NALCN: variants seen among roughly 807,000 people sequenced by gnomAD.
The protein encoded by NALCN is sodium leak channel NALCN.
In NALCN, 111 loss-of-function variants were observed where a neutral mutation model predicts 225.3. That is an observed-to-expected ratio of 0.49 (90% CI 0.42 to 0.58). The LOEUF is 0.58. NALCN is among the 20% of genes least tolerant of loss of function. The probability of loss-of-function intolerance (pLI) is 0.00; values close to 1 mark genes in which losing one functional copy is unlikely to be tolerated. For missense variants in NALCN, 1,378 were observed against 2,202.4 expected, an observed-to-expected ratio of 0.63 and a Z score of 7.49; for synonymous variants, 764 against 769.0, an observed-to-expected ratio of 0.99 and a Z score of 0.11.
intron 6 of NALCN, among the ~76,000 whole-genome samples, chr13:101,368,275 T>C (rs200431072): frequency 1.3e-5 from 2 of 151,540 alleles, no homozygotes; most frequent in East Asian, 3.9e-4. Flanking sequence ...GTTCTTGCGA[T>C]AGTTTACTGA....
intron 15 of NALCN, among the ~76,000 whole-genome samples, chr13:101,161,248 C>T (rs1336478074): frequency 6.6e-6 from 1 of 152,190 alleles, no homozygotes; most frequent in Non-Finnish European, 1.5e-5. Context: ...ATCCTTCTCC[C>T]CTGAACTCCA....
chr13:101,271,954 G>C (rs111172510), intron 10 of NALCN, among the ~76,000 whole-genome samples: 8,747 of 151,720 alleles, frequency 0.058, 833 homozygotes, highest in African/African-American at 0.19. Flanking sequence ...GTGTGCATGA[G>C]CATGTGCGTG....
intron 3 of NALCN, among the ~76,000 whole-genome samples, chr13:101,390,963 G>T (rs1381951590): frequency 6.6e-6 from 1 of 151,816 alleles, no homozygotes; most frequent in African/African-American, 2.4e-5. Flanking sequence ...TAATGTAAAT[G>T]ACAAGTTAAT....
At chr13:101,285,214 T>C (rs1024349037) in intron 9 of NALCN, among the ~76,000 whole-genome samples, 6 of 152,302 alleles carry the variant, frequency 3.9e-5, no homozygotes, top group African/African-American at 1.4e-4. Context: ...AGATCCTTTG[T>C]GGAAAATAAA....
intron 17 of NALCN, among the ~76,000 whole-genome samples, chr13:101,128,203 G>A (rs1194482541): frequency 1.3e-5 from 2 of 152,160 alleles, no homozygotes. Context: ...CTTCGGTTTT[G>A]TTTGGAAACT....
intron 14 of NALCN, among the ~76,000 whole-genome samples, chr13:101,188,442 A>G (rs1328684391): frequency 6.6e-6 from 1 of 152,160 alleles, no homozygotes; most frequent in African/African-American, 2.4e-5. Flanking sequence ...AGGGATGGCC[A>G]TCAGTTGACT....
At chr13:101,335,685 G>C (rs1201334832) in intron 7 of NALCN, among the ~76,000 whole-genome samples, 6 of 148,064 alleles carry the variant, frequency 4.1e-5, no homozygotes, top group Admixed American at 4.0e-4. Flanking sequence ...CAAGATAAAT[G>C]CATCAGAAAA....
chr13:101,410,450 T>C (rs369592977), intron 1 of NALCN, among the ~76,000 whole-genome samples: 10 of 152,368 alleles, frequency 6.6e-5, no homozygotes, highest in Admixed American at 3.9e-4. Context: ...TTTTGATTTA[T>C]AATTGTATGT....
intron 6 of NALCN, among the ~76,000 whole-genome samples, chr13:101,372,165 C>T (rs548378298): frequency 5.3e-5 from 8 of 152,040 alleles, no homozygotes; most frequent in South Asian, 2.1e-4. Context: ...TACAATGACA[C>T]GTTATGCGCC....
intron 7 of NALCN, among the ~76,000 whole-genome samples, chr13:101,330,883 C>T (rs1225282584): frequency 2.0e-5 from 3 of 152,160 alleles, no homozygotes; most frequent in Admixed American, 2.0e-4. Context: ...ATGTGCCTGC[C>T]ACCAAGTAAG....
At chr13:101,222,666 C>G (rs1296887332) in intron 13 of NALCN, among the ~76,000 whole-genome samples, 1 of 152,156 alleles carries the variant, frequency 6.6e-6, no homozygotes, top group Admixed American at 6.5e-5. Context: ...GCCCAACAAG[C>G]AGAATTAGTT....
At chr13:101,233,503 G>C (rs2041432931) in intron 12 of NALCN, among the ~76,000 whole-genome samples, 1 of 151,938 alleles carries the variant, frequency 6.6e-6, no homozygotes, top group Non-Finnish European at 1.5e-5. Context: ...ACCACGCCTG[G>C]CTAATTTTTT....
chr13:101,314,225 T>C (rs1372892342), intron 7 of NALCN, among the ~76,000 whole-genome samples: 1 of 150,880 alleles, frequency 6.6e-6, no homozygotes, highest in Admixed American at 6.6e-5. Flanking sequence ...GACGAGTTAA[T>C]GGGTGCAGCA....
intron 13 of NALCN, among the ~76,000 whole-genome samples, chr13:101,196,147 C>T (rs533446): frequency 0.065 from 9,882 of 152,110 alleles, 900 homozygotes; most frequent in African/African-American, 0.2. Flanking sequence ...ATTTAACTCA[C>T]GTTATTTGAG....
intron 13 of NALCN, among the ~76,000 whole-genome samples, chr13:101,193,169 A>C (rs1316948020): frequency 6.6e-6 from 1 of 151,190 alleles, no homozygotes; most frequent in Non-Finnish European, 1.5e-5. Context: ...TCCCAAAGTC[A>C]CACTATTAAT....
intron 1 of NALCN, among the ~76,000 whole-genome samples, chr13:101,410,928 A>T (rs1362019702): frequency 6.6e-6 from 1 of 152,176 alleles, no homozygotes. Flanking sequence ...TTTTGTGGAT[A>T]TATCTTTACC....
At chr13:101,160,684 G>A (rs1362998901) in intron 15 of NALCN, among the ~76,000 whole-genome samples, 1 of 151,832 alleles carries the variant, frequency 6.6e-6, no homozygotes, top group Admixed American at 6.6e-5. Context: ...TTATGAAGGT[G>A]TTTCTTCCTT....
intron 26 of NALCN, among the ~76,000 whole-genome samples, chr13:101,101,264 T>C (rs60053591): frequency 0.028 from 4,146 of 147,422 alleles, 191 homozygotes; most frequent in African/African-American, 0.098. Context: ...TGGACATATA[T>C]ATATTTATTT....
chr13:101,160,191 T>C (rs759178567), intron 15 of NALCN, among the ~76,000 whole-genome samples: 1 of 152,146 alleles, frequency 6.6e-6, no homozygotes, highest in Non-Finnish European at 1.5e-5. Flanking sequence ...CCTGACCTTG[T>C]GATCTGCCCG....
Sources: allele counts gnomAD v4.1 joint callset (sites outside exome capture counted in the v4.1 genomes callset), GRCh38; gene constraint gnomAD v4.1.1; transcripts MANE v1.5; gene names NCBI Gene and HGNC (gene_info 2026-07-23, HGNC 2026-07-21).